Variants in WDR1 observed in about 807,000 individuals in gnomAD.
WDR1 encodes the protein WD repeat domain 1, also known as WD repeat-containing protein 1.
A neutral mutation model predicts 71.9 loss-of-function variants in WDR1; 21 were observed. That is an observed-to-expected ratio of 0.29 (90% CI 0.21 to 0.42). The LOEUF is 0.42. Ranked by LOEUF, WDR1 falls within the 10% of genes least tolerant of loss-of-function variation. The pLI is 1.00. For missense variants in WDR1, 696 were observed against 824.5 expected (o/e 0.84, Z 1.91); for synonymous variants, 424 against 347.4 (o/e 1.22, Z -2.45).
In WDR1 at chr4:10,078,934, A is replaced by G. The variant is rs1178015153; in HGVS notation, c.1352T>C (p.Val451Ala). The G allele has an allele frequency of 6.2e-7, 1 of 1,613,042 alleles. No homozygotes were observed. Among genetic ancestry groups the G allele is most frequent in the Non-Finnish European group, 8.5e-7 (1 of 1,179,430 alleles). Residue 451 changes from valine (V) to alanine (A), a missense_variant, in exon 12 of 15, where the codon GTG (valine) becomes GCG (alanine). Transcript: ENST00000499869. ...CGTGTCCCCGCCGGGGTGCACTGCC[A>G]CAACTTCGGGCTCGTAGCCGGGGTT... ...IDNPGYEPEV[V>A]AVHPGGDTVA... is the part of the protein sequence containing the mutation.
At chr4:10,105,218 G>A (rs1041538533) in intron 2 of WDR1, among the ~76,000 whole-genome samples, 1 of 152,106 alleles carries the variant, frequency 6.6e-6, no homozygotes, top group Non-Finnish European at 1.5e-5. Context: ...CATGTCCACC[G>A]GGATGGCACA....
chr4:10,099,167 G>A (rs1193020671), intron 3 of WDR1, 28 bp from the exon 4 acceptor site: 4 of 1,328,676 alleles, frequency 3.0e-6, no homozygotes, highest in Non-Finnish European at 4.2e-6. Flanking sequence ...CGGGGGAGGG[G>A]GGGAGGCGGT....
chr4:10,113,323 C>T (rs1230724745), intron 2 of WDR1, among the ~76,000 whole-genome samples: 3 of 152,124 alleles, frequency 2.0e-5, no homozygotes, highest in Admixed American at 6.5e-5. Context: ...ATCACGCCAC[C>T]GCACTCCAGC....
chr4:10,096,759 C>T (rs997573963), intron 5 of WDR1: 3 of 151,612 alleles, frequency 2.0e-5, no homozygotes, highest in Admixed American at 1.3e-4. Flanking sequence ...CTCATTAATC[C>T]TCCATGAGGC....
chr4:10,095,423 G>C (rs1328428406), intron 5 of WDR1, among the ~76,000 whole-genome samples: 1 of 152,226 alleles, frequency 6.6e-6, no homozygotes, highest in Non-Finnish European at 1.5e-5. Context: ...ACGGGAGGAA[G>C]CCCAGCGATG....
intron 6 of WDR1, 76 bp downstream of exon 6, chr4:10,088,588 C>T: frequency 7.5e-7 from 1 of 1,335,222 alleles, no homozygotes; most frequent in Non-Finnish European, 1.1e-6. Flanking sequence ...TAGCATTAGG[C>T]AGCCTGCGGC....
At chr4:10,109,647 G>A (rs1335575281) in intron 2 of WDR1, among the ~76,000 whole-genome samples, 1 of 152,214 alleles carries the variant, frequency 6.6e-6, no homozygotes, top group Non-Finnish European at 1.5e-5. Context: ...CTGCACAGCA[G>A]CACCCCTCAT....
intron 8 of WDR1, among the ~76,000 whole-genome samples, chr4:10,086,721 TCCC>T (rs1560532664): frequency 1.3e-5 from 2 of 152,136 alleles, no homozygotes; most frequent in African/African-American, 4.8e-5. Context: ...AGGGTTTGTC[TCCC>T]CGAGTGGCTT....
At chr4:10,092,753 C>T (rs1036195993) in intron 5 of WDR1, 11 of 274,990 alleles carry the variant, frequency 4.0e-5, no homozygotes, top group African/African-American at 1.8e-4. Context: ...CACACGGAGG[C>T]CCGGCCAGTG....
chr4:10,105,678 T>C (rs993694833), intron 2 of WDR1, among the ~76,000 whole-genome samples: 1 of 152,064 alleles, frequency 6.6e-6, no homozygotes, highest in Non-Finnish European at 1.5e-5. Flanking sequence ...CTGGTGGAAA[T>C]GCAAAATGGT....
chr4:10,108,694 T>C (rs1713168929), intron 2 of WDR1, among the ~76,000 whole-genome samples: 1 of 152,254 alleles, frequency 6.6e-6, no homozygotes, highest in Non-Finnish European at 1.5e-5. Flanking sequence ...CAAGGCTGAA[T>C]GACAGCAAAA....
intron 14 of WDR1, chr4:10,076,143 C>T: frequency 6.5e-6 from 1 of 152,912 alleles, no homozygotes; most frequent in Non-Finnish European, 1.5e-5. Flanking sequence ...TCCGGGTGGC[C>T]CCCAGCCTCT....
chr4:10,101,514 G>A (rs545260820), intron 3 of WDR1, among the ~76,000 whole-genome samples: 2 of 152,306 alleles, frequency 1.3e-5, no homozygotes, highest in African/African-American at 2.4e-5. Flanking sequence ...CATAAAATAT[G>A]ATCTCGCCCA....
chr4:10,075,327 G>A lies in WDR1; in HGVS notation c.*51C>T. 4 of 1,546,074 alleles carry A rather than the reference G, an allele frequency of 2.6e-6. No homozygotes were observed. Among genetic ancestry groups the A allele is most frequent in the Non-Finnish European group, 3.6e-6 (4 of 1,119,730 alleles). On this transcript the variant is annotated 3_prime_UTR_variant, in exon 15 of 15. Transcript: ENST00000499869. The stretch of plus-strand genomic sequence containing the variant: ...TAGAGAAATGACATGTTCCGCTGCA[G>A]TTAAACTCTAGTCCCTGATTCGGTC...
intron 10 of WDR1, 64 bp from the exon 11 acceptor site, chr4:10,081,508 A>C (rs1339464883): frequency 3.5e-5 from 52 of 1,481,166 alleles, no homozygotes; most frequent in Non-Finnish European, 4.8e-5. Context: ...GTATGCATAC[A>C]TATTTACTGT....
chr4:10,115,573 C>A (rs1288882030), intron 2 of WDR1, among the ~76,000 whole-genome samples: 1 of 152,180 alleles, frequency 6.6e-6, no homozygotes, highest in Non-Finnish European at 1.5e-5. Flanking sequence ...GTGCACCAGG[C>A]ACCGCTGGGC....
intron 2 of WDR1, among the ~76,000 whole-genome samples, chr4:10,109,404 T>C (rs1483155801): frequency 6.6e-6 from 1 of 152,252 alleles, no homozygotes; most frequent in Non-Finnish European, 1.5e-5. Flanking sequence ...TGTGGTTTTG[T>C]TGTCTTCCTT....
intron 8 of WDR1, among the ~76,000 whole-genome samples, chr4:10,085,148 G>A (rs978172225): frequency 5.9e-5 from 9 of 152,340 alleles, no homozygotes; most frequent in Admixed American, 3.9e-4. Context: ...GCGGCGTTTA[G>A]CCCCCTCCAT....
chr4:10,075,830 A>G (rs1027036036), intron 14 of WDR1: 1 of 364,586 alleles, frequency 2.7e-6, no homozygotes, highest in Non-Finnish European at 5.2e-6. Flanking sequence ...AAGCGATGAC[A>G]TGCAGACACC....
Sources: gnomAD v4.1 joint callset for allele counts (sites outside exome capture counted in the v4.1 genomes callset) on GRCh38, gnomAD v4.1.1 for gene constraint, MANE v1.5 for transcripts, NCBI Gene and HGNC (gene_info 2026-07-23, HGNC 2026-07-21) for gene names.